UPRT: variants seen among roughly 807,000 people sequenced by gnomAD.
The protein encoded by UPRT is RP11-311P8.3.
Under a neutral mutation model 22.6 loss-of-function variants are expected in UPRT, and 5 were observed. The ratio of observed to expected loss-of-function variants is 0.22; its 90% CI spans 0.12 to 0.47. The LOEUF (loss-of-function observed/expected upper bound fraction) is 0.47. Ranked by LOEUF, UPRT falls within the 20% of genes least tolerant of loss-of-function variation. The pLI is 0.99. For missense variants in UPRT, 181 were observed against 239.9 expected (o/e 0.75, Z 1.62); for synonymous variants, 77 against 87.7 (o/e 0.88, Z 0.68).
At chrX:75,220,565 C>A (rs903829174) in intron 4 of UPRT, among the ~76,000 whole-genome samples, 9 of 110,384 alleles carry the variant, frequency 8.2e-5, no homozygotes, top group African/African-American at 2.3e-4. Context: ...TTATGTTTTT[C>A]GATCCATTGT....
intron 5 of UPRT, 77 bp from the exon 6 acceptor site, chrX:75,300,790 T>TC: frequency 1.3e-6 from 1 of 796,647 alleles, no homozygotes; most frequent in African/African-American, 2.1e-5. Context: ...CTGTCCCCCC[T>TC]CCCCCAAAAA....
chrX:75,280,438 G>A (rs971718261), intron 1 of UPRT, among the ~76,000 whole-genome samples: 2 of 111,981 alleles, frequency 1.8e-5, no homozygotes, highest in Non-Finnish European at 3.8e-5. Flanking sequence ...ATCTTGAGTT[G>A]ATTTTTGTAT....
chrX:75,234,112 CA>C (rs2082450465), intron 4 of UPRT, among the ~76,000 whole-genome samples: 1 of 109,146 alleles, frequency 9.2e-6, no homozygotes, highest in Non-Finnish European at 1.9e-5. Context: ...AAATGGAAAA[CA>C]AAAAAAGGCA....
intron 5 of UPRT, 87 bp from the exon 6 acceptor site, chrX:75,300,780 C>A (rs2147705393): frequency 1.4e-6 from 1 of 733,059 alleles, no homozygotes; most frequent in South Asian, 2.7e-5. Context: ...GAGTGATTCC[C>A]TGTCCCCCCT....
intron 4 of UPRT, among the ~76,000 whole-genome samples, chrX:75,232,368 C>T (rs1217315418): frequency 8.9e-6 from 1 of 112,502 alleles, no homozygotes; most frequent in South Asian, 3.6e-4. Context: ...GGGGGAGGGG[C>T]GCCTGCCATT....
rs182985884 is a variant in UPRT, at chrX:75,248,208, A to G, written c.-446-42816A>G. Among the ~76,000 whole-genome samples, 944 of 112,266 alleles carry G rather than the reference A, an allele frequency of 8.4e-3. 12 individuals carry two copies. The highest frequency in any genetic ancestry group is 0.028 in the African/African-American group (866 of 30,901). On this transcript the variant is annotated intron_variant, in intron 4 of 13. Transcript: ENST00000652605. ...CCTCACCAGCAACAGAACAAAGCTG[A>G]ACAGAGAATGACTTTGACGAGAGAA...
At position 75,200,607 on chromosome X, in the gene UPRT, T is replaced by C. The variant is rs1056890181; in HGVS notation, c.-447+32728T>C. On this transcript the variant is annotated intron_variant, in intron 4 of 13. Transcript: ENST00000652605. ...AGACCCTGTCTCAAAAAGAAAATTATTCTTTATAAACAGAGTTTGAGTCAC... is the reference window on the plus strand; with the variant it reads ...AGACCCTGTCTCAAAAAGAAAATTACTCTTTATAAACAGAGTTTGAGTCAC... Among the ~76,000 whole-genome samples the C allele has an allele frequency of 6.3e-5, 7 of 111,611 alleles. 1 individual carries two copies. The highest frequency in any genetic ancestry group is 2.3e-4 in the African/African-American group (7 of 30,705).
intron 4 of UPRT, among the ~76,000 whole-genome samples, chrX:75,256,565 T>C (rs1192397498): frequency 9.1e-6 from 1 of 110,297 alleles, no homozygotes; most frequent in Non-Finnish European, 1.9e-5. Flanking sequence ...ATACAAAAGA[T>C]AAATGAAACA....
intron 1 of UPRT, among the ~76,000 whole-genome samples, chrX:75,281,851 C>A (rs1163520881): frequency 9.0e-6 from 1 of 111,167 alleles, no homozygotes; most frequent in East Asian, 2.8e-4. Context: ...TTCAATTCTT[C>A]TTTGAATGTC....
chrX:75,178,942 A>G (rs771408824), intron 4 of UPRT, among the ~76,000 whole-genome samples: 5 of 111,820 alleles, frequency 4.5e-5, no homozygotes, highest in Non-Finnish European at 9.4e-5. Context: ...GGTAGAGCCA[A>G]GTGGCCTGTT....
rs182953021 is a variant in UPRT, at chrX:75,188,793, C to T, written c.-447+20914C>T. Reference sequence around the variant, plus strand: ...TGGGAGTGACCCGATCTTCCAGGTGCCGTCTGTCACCCCTTTCTTTGACTA... The same window carrying T: ...TGGGAGTGACCCGATCTTCCAGGTGTCGTCTGTCACCCCTTTCTTTGACTA... On this transcript the variant is annotated intron_variant, in intron 4 of 13. Coordinates refer to the UPRT transcript ENST00000652605. 6.0e-3 allele frequency among the ~76,000 whole-genome samples: 667 copies of T among 112,032 alleles called. 5 individuals are homozygous for T. The highest frequency in any genetic ancestry group is 0.021 in the African/African-American group (641 of 30,860).
intron 4 of UPRT, among the ~76,000 whole-genome samples, chrX:75,269,030 C>A (rs2082599533): frequency 8.9e-6 from 1 of 112,053 alleles, no homozygotes; most frequent in South Asian, 3.7e-4. Context: ...AGCCCAAAAT[C>A]TCCTTAAGCT....
chrX:75,262,959 T>G (rs1436004656), intron 4 of UPRT, among the ~76,000 whole-genome samples: 1 of 111,308 alleles, frequency 9.0e-6, no homozygotes, highest in Non-Finnish European at 1.9e-5. Context: ...GCAGACCTAA[T>G]ACACATCTAC....
intron 4 of UPRT, among the ~76,000 whole-genome samples, chrX:75,227,513 G>T (rs779776679): frequency 2.7e-5 from 3 of 111,610 alleles, no homozygotes; most frequent in Non-Finnish European, 5.6e-5. Context: ...AGAACCTGAG[G>T]CCCAGAGAGG....
chrX:75,188,998 C>T (rs998131122), intron 4 of UPRT, among the ~76,000 whole-genome samples: 1 of 112,185 alleles, frequency 8.9e-6, no homozygotes, highest in Non-Finnish European at 1.9e-5. Flanking sequence ...ACGCTGGGAG[C>T]TGTAGACCTG....
intron 4 of UPRT, among the ~76,000 whole-genome samples, chrX:75,203,508 ACACACACT>A (rs1233140326): frequency 1.3e-4 from 13 of 101,161 alleles, no homozygotes; most frequent in African/African-American, 3.8e-4. Context: ...ACACACACAC[ACACACACT>A]CACACACACA....
intron 4 of UPRT, among the ~76,000 whole-genome samples, chrX:75,218,630 A>C (rs1306712570): frequency 3.1e-5 from 3 of 96,668 alleles, no homozygotes; most frequent in Non-Finnish European, 6.2e-5. Flanking sequence ...AAAGACTTGG[A>C]ACCAACCCAA....
At chrX:75,165,952 A>T (rs916470930) in intron 3 of UPRT, among the ~76,000 whole-genome samples, 6 of 111,675 alleles carry the variant, frequency 5.4e-5, no homozygotes, top group Admixed American at 1.9e-4. Context: ...TATCATGGAA[A>T]GTTTCTGAAA....
intron 4 of UPRT, among the ~76,000 whole-genome samples, chrX:75,188,799 G>C (rs749408540): frequency 8.9e-6 from 1 of 112,102 alleles, no homozygotes; most frequent in Admixed American, 9.4e-5. Context: ...GGTGCCGTCT[G>C]TCACCCCTTT....
Sources: gnomAD v4.1 joint callset for allele counts (sites outside exome capture counted in the v4.1 genomes callset) on GRCh38, gnomAD v4.1.1 for gene constraint, MANE v1.5 for transcripts, NCBI Gene and HGNC (gene_info 2026-07-23, HGNC 2026-07-21) for gene names.